The following MRAP2 variants were observed in gnomAD, a reference collection of about 807,000 sequenced individuals.
MRAP2 encodes melanocortin-2 receptor accessory protein 2.
In MRAP2, 20 loss-of-function variants were observed where a neutral mutation model predicts 17.4. The observed-to-expected ratio is 1.15, with a 90% CI of 0.81 to 1.67. The LOEUF (loss-of-function observed/expected upper bound fraction) is 1.67, where lower values mean the gene tolerates loss of function less well. Ranked by LOEUF, MRAP2 falls within the 40% of genes most tolerant of loss-of-function variation. The pLI is 0.00. For missense variants in MRAP2, 238 were observed against 240.0 expected, an observed-to-expected ratio of 0.99 and a Z score of 0.05; for synonymous variants, 96 against 88.4, an observed-to-expected ratio of 1.09 and a Z score of -0.48.
chr6:84,081,826 A>G (rs1278587489), intron 3 of MRAP2, among the ~76,000 whole-genome samples: 1 of 152,090 alleles, frequency 6.6e-6, no homozygotes, highest in Non-Finnish European at 1.5e-5. Context: ...TTAAAAATGA[A>G]TGAATGAATG....
At chr6:84,118,604 G>A in the MRAP2 span, among the ~76,000 whole-genome samples, 8 of 152,278 alleles carry the variant, frequency 5.3e-5, no homozygotes, top group Admixed American at 4.6e-4. Flanking sequence ...CAGGCTGGAA[G>A]GGCTGAGTTG....
chr6:84,070,857 T>G (rs1289230634), intron 3 of MRAP2, among the ~76,000 whole-genome samples: 1 of 152,230 alleles, frequency 6.6e-6, no homozygotes, highest in Non-Finnish European at 1.5e-5. Context: ...CTTTAAAGTT[T>G]GTTTTGTCTG....
At chr6:84,052,782 G>T (rs2099490765) in intron 1 of MRAP2, 1 of 984,816 alleles carries the variant, frequency 1.0e-6, no homozygotes, top group African/African-American at 1.7e-5. Context: ...CCTCCTGTAG[G>T]CTGGCTCTGG....
chr6:84,111,872 T>C, the MRAP2 span, among the ~76,000 whole-genome samples: 1 of 152,228 alleles, frequency 6.6e-6, no homozygotes, highest in Non-Finnish European at 1.5e-5. Context: ...CATGTGGTTT[T>C]TGTCATGGGT....
intron 1 of MRAP2, among the ~76,000 whole-genome samples, chr6:84,047,924 G>A (rs1054053220): frequency 1.6e-4 from 25 of 152,094 alleles, no homozygotes; most frequent in Non-Finnish European, 2.9e-4. Flanking sequence ...TGTTTTCAAC[G>A]TTCATCAATG....
At chr6:84,048,924 T>G (rs1002239554) in intron 1 of MRAP2, among the ~76,000 whole-genome samples, 3 of 152,166 alleles carry the variant, frequency 2.0e-5, no homozygotes, top group Non-Finnish European at 4.4e-5. Flanking sequence ...AAACTGAAAA[T>G]TCAGCTCCCT....
At chr6:84,120,011 GA>G in the MRAP2 span, among the ~76,000 whole-genome samples, 1 of 152,200 alleles carries the variant, frequency 6.6e-6, no homozygotes, top group Non-Finnish European at 1.5e-5. Context: ...TAAGTCCCAT[GA>G]TATGTAATGT....
the MRAP2 span, among the ~76,000 whole-genome samples, chr6:84,103,666 G>A: frequency 6.6e-6 from 1 of 152,118 alleles, no homozygotes; most frequent in Admixed American, 6.5e-5. Flanking sequence ...ATCCTTTTCA[G>A]AAAACCATTC....
At chr6:84,125,876 A>T in the MRAP2 span, among the ~76,000 whole-genome samples, 1 of 152,196 alleles carries the variant, frequency 6.6e-6, no homozygotes, top group Non-Finnish European at 1.5e-5. Context: ...AGACTAATAC[A>T]CTGTTCAAAC....
intron 1 of MRAP2, among the ~76,000 whole-genome samples, chr6:84,044,418 C>G (rs1301690170): frequency 6.6e-6 from 1 of 152,234 alleles, no homozygotes; most frequent in African/African-American, 2.4e-5. Flanking sequence ...AACTCCCGAC[C>G]TCAGGTGATC....
intron 1 of MRAP2, among the ~76,000 whole-genome samples, chr6:84,048,461 T>A (rs750842770): frequency 6.6e-6 from 1 of 152,188 alleles, no homozygotes; most frequent in Non-Finnish European, 1.5e-5. Flanking sequence ...AACCTAACTA[T>A]AATAAAAGTG....
intron 3 of MRAP2, among the ~76,000 whole-genome samples, chr6:84,081,590 A>G (rs1279701831): frequency 1.1e-4 from 17 of 152,226 alleles, no homozygotes; most frequent in Non-Finnish European, 4.4e-5. Context: ...AGGCCGAAGC[A>G]GATGGATAAT....
chr6:84,142,930 T>G, the MRAP2 span, among the ~76,000 whole-genome samples: 8 of 152,118 alleles, frequency 5.3e-5, no homozygotes, highest in African/African-American at 1.9e-4. Flanking sequence ...ACTAGATGTT[T>G]AATGGCTCAT....
rs1229381681 is a variant in MRAP2, at chr6:84,089,114, G to C, written c.251G>C (p.Arg84Thr). The C allele has an allele frequency of 1.2e-6, 2 of 1,613,586 alleles. No individual in the cohort carries two copies. Among genetic ancestry groups the C allele is most frequent in the South Asian group, 2.2e-5 (2 of 91,048 alleles). The change falls in exon 4 of 4, where the codon AGA becomes ACA. Residue 84 changes from arginine (R) to threonine (T), a missense_variant. Coordinates refer to ENST00000257776, the MANE Select transcript of MRAP2 (RefSeq NM_138409.4). ...HQDNAESSEK[R>T]FRMNSFVSDF... ...AGCAATGCAGAGTCCTCAGAGAAGA[G>C]ATTCAGAATGAACAGCTTTGTGTCA...
intron 3 of MRAP2, among the ~76,000 whole-genome samples, chr6:84,084,859 CTTTAT>C (rs766383974): frequency 0.09 from 12,376 of 136,986 alleles, 680 homozygotes; most frequent in South Asian, 0.14. Flanking sequence ...CATTTCATTT[CTTTAT>C]TTTATTTTAT....
chr6:84,089,038 G>A lies in MRAP2; in HGVS notation c.228-53G>A. ...CCTACGTGCAGAAAACCATGATTCT[G>A]CAGGTGAATGGGCTGGAGTGTAAGC... is the stretch of plus-strand genomic sequence containing the variant. On this transcript the variant is annotated intron_variant, in intron 3 of 3. Transcript: ENST00000257776. The A allele has an allele frequency of 3.9e-6, 6 of 1,539,186 alleles. No homozygotes were observed. The Admixed American group carries it at 6.1e-5, about 16-fold the overall frequency.
At chr6:84,038,868 G>A (rs550134453) in intron 1 of MRAP2, among the ~76,000 whole-genome samples, 1 of 152,164 alleles carries the variant, frequency 6.6e-6, no homozygotes, top group South Asian at 2.1e-4. Context: ...TTGAGGGCAG[G>A]GAAGATGAAT....
intron 1 of MRAP2, among the ~76,000 whole-genome samples, chr6:84,051,218 C>T (rs1385779353): frequency 1.3e-5 from 2 of 152,198 alleles, no homozygotes; most frequent in Non-Finnish European, 2.9e-5. Flanking sequence ...GAGTACATCT[C>T]CTCAAATTCA....
chr6:84,069,218 T>G (rs936393377), intron 3 of MRAP2, among the ~76,000 whole-genome samples: 1 of 152,194 alleles, frequency 6.6e-6, no homozygotes, highest in African/African-American at 2.4e-5. Context: ...CCACTCAGTA[T>G]TATGTTGGCT....
Sources: gnomAD v4.1 joint callset for allele counts (sites outside exome capture counted in the v4.1 genomes callset) on GRCh38, gnomAD v4.1.1 for gene constraint, MANE v1.5 for transcripts, NCBI Gene and HGNC (gene_info 2026-07-23, HGNC 2026-07-21) for gene names.